The following HTR1B variants were observed in gnomAD, a reference collection of about 807,000 sequenced individuals.
The protein encoded by HTR1B is 5-hydroxytryptamine (serotonin) receptor 1B, G protein-coupled.
HTR1B carries 12 observed loss-of-function variants against 25.3 expected under a neutral mutation model. The observed-to-expected ratio is 0.47, with a 90% CI of 0.30 to 0.77. The LOEUF is 0.77. Ranked by LOEUF, HTR1B falls within the 30% of genes least tolerant of loss-of-function variation. The pLI is 0.06. For missense variants in HTR1B, 453 were observed against 503.0 expected (o/e 0.90, Z 0.95); for synonymous variants, 224 against 219.1 (o/e 1.02, Z -0.20).
At position 77,461,103 on chromosome 6, in the gene HTR1B, T is replaced by C. The variant is rs1443913566; in HGVS notation, c.*1128A>G. The stretch of plus-strand genomic sequence containing the variant: ...GATAAAAGTTTCATGCATTTTAAGA[T>C]TTTTTTACAAGTCAAAATATACATC... On this transcript the variant is annotated 3_prime_UTR_variant, in exon 1 of 1. Coordinates refer to ENST00000369947, the MANE Select transcript of HTR1B (RefSeq NM_000863.3). Among the ~76,000 whole-genome samples, 1 of 151,162 alleles carries C rather than the reference T, an allele frequency of 6.6e-6. No individual in the cohort carries two copies. The highest frequency in any genetic ancestry group is 1.9e-4 in the East Asian group (1 of 5,186).
In HTR1B at chr6:77,462,520, G is replaced by A; in HGVS notation, c.884C>T (p.Ser295Phe). ...VYVNQVKVRV[S>F]DALLEKKKLM... ...TTTCTTCTTTTCCAGCAGGGCGTCG[G>A]AGACTCGCACTTTGACTTGGTTCAC... Residue 295 changes from serine to phenylalanine, a missense_variant, in exon 1 of 1, where the codon TCC (serine) becomes TTC (phenylalanine). Ser to Phe is a radical substitution (Grantham distance 155). Coordinates refer to ENST00000369947, the MANE Select transcript of HTR1B (RefSeq NM_000863.3). This position sits in a 1 kb window ranked among gnomAD's most constrained non-coding sequence, Gnocchi z 4.9. 1.2e-6 allele frequency: 2 copies of A among 1,613,796 alleles called. No homozygotes were observed. Among genetic ancestry groups the A allele is most frequent in the Non-Finnish European group, 1.7e-6 (2 of 1,180,024 alleles).
In HTR1B at chr6:77,463,294, T is replaced by C. The variant is rs1766170395; in HGVS notation, c.110A>G (p.Asp37Gly). The C allele has an allele frequency of 1.2e-6, 2 of 1,614,172 alleles. No individual in the cohort carries two copies. The highest frequency in any genetic ancestry group is 1.1e-5 in the South Asian group (1 of 91,078). ...GGAGATGGAGTCCTGGTAAATGTAG[T>C]CCTTGGCGCTGCAGTTTTGGGAGGG... is the stretch of plus-strand genomic sequence containing the variant. ...SAPSQNCSAK[D>G]YIYQDSISLP... is the part of the protein sequence containing the mutation. Residue 37 changes from aspartate to glycine, a missense_variant, in exon 1 of 1, where the codon GAC (aspartate) becomes GGC (glycine). This residue lies in a region of HTR1B where 129 missense variants were observed against 118.3 expected (regional missense o/e 1.09). Coordinates refer to ENST00000369947, the MANE Select transcript of HTR1B (RefSeq NM_000863.3).
chr6:77,461,506 T>C lies in HTR1B; in HGVS notation c.*725A>G, dbSNP rs1044184481. Among the ~76,000 whole-genome samples the C allele has an allele frequency of 6.6e-6, 1 of 152,164 alleles. No individual in the cohort carries two copies. Among genetic ancestry groups the C allele is most frequent in the Non-Finnish European group, 1.5e-5 (1 of 68,030 alleles). ...TAAATCTGCAGAAAACAAACAATCATAGGTGTTGATTCTCAGTTTAACACT... is the reference window on the plus strand; with the variant it reads ...TAAATCTGCAGAAAACAAACAATCACAGGTGTTGATTCTCAGTTTAACACT... On this transcript the variant is annotated 3_prime_UTR_variant, in exon 1 of 1. Coordinates refer to ENST00000369947, the MANE Select transcript of HTR1B (RefSeq NM_000863.3).
At position 77,463,298 on chromosome 6, in the gene HTR1B, T is replaced by C. The variant is rs200072518; in HGVS notation, c.106A>G (p.Lys36Glu). The C allele has an allele frequency of 1.2e-6, 2 of 1,614,084 alleles. No individual in the cohort carries two copies. The highest frequency in any genetic ancestry group is 2.2e-5 in the East Asian group (1 of 44,884). The part of the protein sequence containing the change: ...SSAPSQNCSA[K>E]DYIYQDSISL... ...ATGGAGTCCTGGTAAATGTAGTCCTTGGCGCTGCAGTTTTGGGAGGGAGCA... is the reference window on the plus strand; with the variant it reads ...ATGGAGTCCTGGTAAATGTAGTCCTCGGCGCTGCAGTTTTGGGAGGGAGCA... Residue 36 changes from lysine to glutamate, a missense_variant, in exon 1 of 1, where the codon AAG becomes GAG. By Grantham distance (56) the Lys-to-Glu change is moderately conservative. This residue lies in a region of HTR1B where 129 missense variants were observed against 118.3 expected (regional missense o/e 1.09). Coordinates refer to ENST00000369947, the MANE Select transcript of HTR1B (RefSeq NM_000863.3).
Position 77,462,914 on chromosome 6 carries a change from T to G in HTR1B, c.490A>C (p.Lys164Gln). ...AGCGCGATCATGACCGCCGCCCTCT[T>G]GGGAGTCCTTTTAGCTGAGTACTCC... ...AVEYSAKRTP[K>Q]RAAVMIALVW... Residue 164 changes from lysine (K) to glutamine (Q), a missense_variant, in exon 1 of 1, where the codon AAG becomes CAG. By Grantham distance (53) the Lys-to-Gln change is moderately conservative. Around this residue, in one of 3 missense-constraint regions of HTR1B, gnomAD observed 289 missense variants for 319.6 expected, o/e 0.90. Coordinates refer to ENST00000369947, the MANE Select transcript of HTR1B (RefSeq NM_000863.3). This position sits in a 1 kb window ranked among gnomAD's most constrained non-coding sequence, Gnocchi z 4.9. The G allele has an allele frequency of 6.2e-7, 1 of 1,614,016 alleles. No homozygotes were observed. The highest frequency in any genetic ancestry group is 8.5e-7 in the Non-Finnish European group (1 of 1,180,036).
chr6:77,463,323 A>G lies in HTR1B; in HGVS notation c.81T>C (p.Ser27=). Residue 27 remains serine, a synonymous_variant, in exon 1 of 1, where the codon TCT becomes TCC. Transcript: ENST00000369947. The stretch of plus-strand genomic sequence containing the variant: ...TGGCGCTGCAGTTTTGGGAGGGAGC[A>G]GAGGATAAGTTGGCTTGAGGAACCC... ...ETWVPQANLS[S]APSQNCSAKD... 6.2e-7 allele frequency: 1 copy of G among 1,614,210 alleles called. No homozygotes were observed. The highest frequency in any genetic ancestry group is 8.5e-7 in the Non-Finnish European group (1 of 1,180,026).
chr6:77,463,247 C>T lies in HTR1B; in HGVS notation c.157G>A (p.Val53Ile), dbSNP rs1219326802. Residue 53 changes from valine (V) to isoleucine (I), a missense_variant, in exon 1 of 1, where the codon GTT becomes ATT. Transcript: ENST00000369947. ...SISLPWKVLL[V>I]MLLALITLAT... is the part of the protein sequence containing the mutation. ...AAGGTGATGAGCGCCAATAGCATAA[C>T]CAGCAGTACTTTCCAGGGTAGGGAG... The T allele has an allele frequency of 6.2e-7, 1 of 1,614,204 alleles. No individual in the cohort carries two copies. The highest frequency in any genetic ancestry group is 1.7e-5 in the Admixed American group (1 of 60,030).
Position 77,461,692 on chromosome 6 carries a change from C to T in HTR1B, c.*539G>A, listed in dbSNP as rs1471933899. Reference sequence around the variant, plus strand: ...CACCAAATCCACAAGTTTCTCCAACCAAGTTTAAATAGACAAAAAGTGAAG... The same window carrying T: ...CACCAAATCCACAAGTTTCTCCAACTAAGTTTAAATAGACAAAAAGTGAAG... On this transcript the variant is annotated 3_prime_UTR_variant, in exon 1 of 1. Transcript: ENST00000369947. The T allele has an allele frequency of 2.6e-5, 4 of 152,870 alleles. No individual in the cohort carries two copies. Among genetic ancestry groups the T allele is most frequent in the African/African-American group, 9.7e-5 (4 of 41,408 alleles). The allele number at this position is 152,870 out of a possible 1,614,324, so 9.5% of individuals were successfully genotyped here. A position where few individuals can be genotyped will look rare whatever the true frequency, so the allele number is the denominator to read the frequency against.
chr6:77,462,939 C>G lies in HTR1B; in HGVS notation c.465G>C (p.Val155=), dbSNP rs548363940. The change falls in exon 1 of 1, where the codon GTG becomes GTC. Residue 155 remains valine (V), a synonymous_variant. Transcript: ENST00000369947. This position sits in a 1 kb window ranked among gnomAD's most constrained non-coding sequence, Gnocchi z 4.9. ...TGGGAGTCCTTTTAGCTGAGTACTCCACGGCGTCCGTGATGGCCCAGTAGC... is the reference window on the plus strand; with the variant it reads ...TGGGAGTCCTTTTAGCTGAGTACTCGACGGCGTCCGTGATGGCCCAGTAGC... ...LDRYWAITDA[V]EYSAKRTPKR... 5 of 1,614,054 alleles carry G rather than the reference C, an allele frequency of 3.1e-6. No homozygotes were observed. The Admixed American group carries it at 8.3e-5, about 27-fold the overall frequency.
Position 77,462,940 on chromosome 6 carries a change from A to G in HTR1B, c.464T>C (p.Val155Ala), listed in dbSNP as rs754897182. The G allele has an allele frequency of 1.2e-6, 2 of 1,614,052 alleles. No individual in the cohort carries two copies. Among genetic ancestry groups the G allele is most frequent in the South Asian group, 1.1e-5 (1 of 91,082 alleles). Residue 155 changes from valine (V) to alanine (A), a missense_variant, in exon 1 of 1, where the codon GTG (valine) becomes GCG (alanine). Val to Ala is a moderately conservative substitution (Grantham distance 64). Around this residue, in one of 3 missense-constraint regions of HTR1B, gnomAD observed 289 missense variants for 319.6 expected, o/e 0.90. Coordinates refer to ENST00000369947, the MANE Select transcript of HTR1B (RefSeq NM_000863.3). The surrounding 1 kb of genome is among the most constrained non-coding windows in gnomAD (Gnocchi z 4.9). ...LDRYWAITDAVEYSAKRTPKR... is the reference protein window; with the variant it reads ...LDRYWAITDAAEYSAKRTPKR... ...GGGAGTCCTTTTAGCTGAGTACTCC[A>G]CGGCGTCCGTGATGGCCCAGTAGCG... is the stretch of plus-strand genomic sequence containing the variant.
In HTR1B at chr6:77,463,404, G is replaced by A. The variant is rs1401638609; in HGVS notation, c.-1C>T. 1.9e-6 allele frequency: 3 copies of A among 1,609,138 alleles called. No individual in the cohort carries two copies. The highest frequency in any genetic ancestry group is 1.1e-5 in the South Asian group (1 of 90,598). ...CGCACTGAGCACCCGGTTCCTCCAT[G>A]GCTCTCCTCGCCCCAGCTCCGGAGC... On this transcript the variant is annotated 5_prime_UTR_variant, in exon 1 of 1. Transcript: ENST00000369947.
In HTR1B at chr6:77,462,080, T is replaced by G. The variant is rs1224558858; in HGVS notation, c.*151A>C. ...TCCTTTCAGAGCTCTCTCTCAGGAC[T>G]ATTCTGGCTTCTCAGGATCCATTGC... On this transcript the variant is annotated 3_prime_UTR_variant, in exon 1 of 1. Transcript: ENST00000369947. This position sits in a 1 kb window ranked among gnomAD's most constrained non-coding sequence, Gnocchi z 4.9. The G allele has an allele frequency of 1.6e-6, 1 of 619,028 alleles. No homozygotes were observed. The highest frequency in any genetic ancestry group is 2.9e-6 in the Non-Finnish European group (1 of 348,892). The allele number at this position is 619,028 out of a possible 1,614,324, so 38.3% of individuals were successfully genotyped here.
In HTR1B at chr6:77,462,354, G is replaced by A. The variant is rs199643515; in HGVS notation, c.1050C>T (p.Ile350=). ...CKDACWFHLA[I]FDFFTWLGYL... ...AGCCCAGCCATGTGAAGAAGTCAAAGATGGCTAGGTGGAACCAGCAGGCAT... is the reference window on the plus strand; with the variant it reads ...AGCCCAGCCATGTGAAGAAGTCAAAAATGGCTAGGTGGAACCAGCAGGCAT... The change falls in exon 1 of 1, where the codon ATC becomes ATT. Residue 350 remains isoleucine (I), a synonymous_variant. Coordinates refer to ENST00000369947, the MANE Select transcript of HTR1B (RefSeq NM_000863.3). This position sits in a 1 kb window ranked among gnomAD's most constrained non-coding sequence, Gnocchi z 4.9. 3.7e-6 allele frequency: 6 copies of A among 1,613,940 alleles called. No individual in the cohort carries two copies. The highest frequency in any genetic ancestry group is 5.1e-6 in the Non-Finnish European group (6 of 1,179,922).
Position 77,463,336 on chromosome 6 carries a change from G to C in HTR1B, c.68C>G (p.Ala23Gly). The C allele has an allele frequency of 6.2e-7, 1 of 1,614,158 alleles. No homozygotes were observed. The highest frequency in any genetic ancestry group is 8.5e-7 in the Non-Finnish European group (1 of 1,180,026). Residue 23 changes from alanine (A) to glycine (G), a missense_variant, in exon 1 of 1, where the codon GCC (alanine) becomes GGC (glycine). By Grantham distance (60) the Ala-to-Gly change is moderately conservative. Around this residue, in one of 3 missense-constraint regions of HTR1B, gnomAD observed 129 missense variants for 118.3 expected, o/e 1.09. Coordinates refer to ENST00000369947, the MANE Select transcript of HTR1B (RefSeq NM_000863.3). ...TTGGGAGGGAGCAGAGGATAAGTTGGCTTGAGGAACCCAGGTCTCGGAGCC... is the reference window on the plus strand; with the variant it reads ...TTGGGAGGGAGCAGAGGATAAGTTGCCTTGAGGAACCCAGGTCTCGGAGCC... Reference protein sequence around the residue: ...PAGSETWVPQANLSSAPSQNC... With the variant: ...PAGSETWVPQGNLSSAPSQNC...
chr6:77,462,622 G>A lies in HTR1B; in HGVS notation c.782C>T (p.Pro261Leu). The A allele has an allele frequency of 6.2e-7, 1 of 1,613,060 alleles. No homozygotes were observed. The highest frequency in any genetic ancestry group is 1.7e-5 in the Admixed American group (1 of 60,026). Reference sequence around the variant, plus strand: ...AGAGGTGACCGAGGACGTGGACCCGGGGGAGTCGGTTATCAGCTGGGCTCG... The same window carrying A: ...AGAGGTGACCGAGGACGTGGACCCGAGGGAGTCGGTTATCAGCTGGGCTCG... ...LTRAQLITDSPGSTSSVTSIN... is the reference protein window; with the variant it reads ...LTRAQLITDSLGSTSSVTSIN... Residue 261 changes from proline (P) to leucine (L), a missense_variant, in exon 1 of 1, where the codon CCC (proline) becomes CTC (leucine). Transcript: ENST00000369947. This position sits in a 1 kb window ranked among gnomAD's most constrained non-coding sequence, Gnocchi z 4.9.
chr6:77,462,315 G>A lies in HTR1B; in HGVS notation c.1089C>T (p.Leu363=). The A allele has an allele frequency of 3.7e-6, 6 of 1,614,090 alleles. No homozygotes were observed. The highest frequency in any genetic ancestry group is 1.1e-5 in the South Asian group (1 of 91,086). ...ACATGGTATAGATTATGGGGTTGAT[G>A]AGGGAGTTGAGATAGCCCAGCCATG... The part of the protein sequence containing the change: ...FFTWLGYLNS[L]INPIIYTMSN... The change falls in exon 1 of 1, where the codon CTC becomes CTT. Residue 363 remains leucine, a synonymous_variant. Coordinates refer to ENST00000369947, the MANE Select transcript of HTR1B (RefSeq NM_000863.3). This position sits in a 1 kb window ranked among gnomAD's most constrained non-coding sequence, Gnocchi z 4.9.
chr6:77,463,086 GC>G lies in HTR1B; in HGVS notation c.317del (p.Ser106ThrfsTer64). ...AGCGGCCGGTGACAGTGTACATGGT[GC>G]TGATGGGCATCACCAGGATGGACAC... ...LLVSILVMPI[S>X]TMYTVTGRWT... On this transcript the variant is annotated frameshift_variant, in exon 1 of 1. Transcript: ENST00000369947. LOFTEE classifies it high-confidence loss of function. 2 of 1,614,184 alleles carry G rather than the reference GC, an allele frequency of 1.2e-6. No homozygotes were observed. Among genetic ancestry groups the G allele is most frequent in the Non-Finnish European group, 1.7e-6 (2 of 1,180,034 alleles).
Position 77,462,639 on chromosome 6 carries a change from C to T in HTR1B, c.765G>A (p.Gln255=), listed in dbSNP as rs200347430. 2 of 1,613,192 alleles carry T rather than the reference C, an allele frequency of 1.2e-6. No homozygotes were observed. Among genetic ancestry groups the T allele is most frequent in the Non-Finnish European group, 1.7e-6 (2 of 1,180,010 alleles). ...TGGACCCGGGGGAGTCGGTTATCAG[C>T]TGGGCTCGGGTCAAGCGCTTGCCGG... is the stretch of plus-strand genomic sequence containing the variant. The part of the protein sequence containing the change: ...NRTGKRLTRA[Q]LITDSPGSTS... Residue 255 remains glutamine, a synonymous_variant, in exon 1 of 1, where the codon CAG becomes CAA. Coordinates refer to ENST00000369947, the MANE Select transcript of HTR1B (RefSeq NM_000863.3). The surrounding 1 kb of genome is among the most constrained non-coding windows in gnomAD (Gnocchi z 4.9).
In HTR1B at chr6:77,462,491, T is replaced by C; in HGVS notation, c.913A>G (p.Met305Val). ...GTGGCTTTGCGCTCCCTAGCGGCCATGAGTTTCTTCTTTTCCAGCAGGGCG... is the reference window on the plus strand; with the variant it reads ...GTGGCTTTGCGCTCCCTAGCGGCCACGAGTTTCTTCTTTTCCAGCAGGGCG... ...SDALLEKKKLMAARERKATKT... is the reference protein window; with the variant it reads ...SDALLEKKKLVAARERKATKT... Residue 305 changes from methionine to valine, a missense_variant, in exon 1 of 1, where the codon ATG becomes GTG. By Grantham distance (21) the Met-to-Val change is conservative. This residue lies in a region of HTR1B where 289 missense variants were observed against 319.6 expected (regional missense o/e 0.90). Transcript: ENST00000369947. The surrounding 1 kb of genome is among the most constrained non-coding windows in gnomAD (Gnocchi z 4.9). 6.2e-7 allele frequency: 1 copy of C among 1,613,886 alleles called. No individual in the cohort carries two copies.
Sources: allele counts gnomAD v4.1 joint callset (sites outside exome capture counted in the v4.1 genomes callset), GRCh38; gene constraint gnomAD v4.1.1; regional missense constraint gnomAD v4.1.1; non-coding constraint Gnocchi (gnomAD v3.1); transcripts MANE v1.5; gene names NCBI Gene and HGNC (gene_info 2026-07-23, HGNC 2026-07-21).